The following IFT140 variants were observed in gnomAD, a reference collection of about 807,000 sequenced individuals.
IFT140 encodes intraflagellar transport protein 140 homolog.
Under a neutral mutation model 164.6 loss-of-function variants are expected in IFT140, and 133 were observed. That is an observed-to-expected ratio of 0.81 (90% CI 0.70 to 0.93). The LOEUF is 0.93. IFT140 is among the 40% of genes least tolerant of loss of function. The probability of loss-of-function intolerance (pLI) is 0.00; values close to 1 mark genes in which losing one functional copy is unlikely to be tolerated. For synonymous variants in IFT140, 860 were observed against 817.3 expected (o/e 1.05, Z -0.89); for missense variants, 2,045 against 1,972.3 (o/e 1.04, Z -0.70).
At chr16:1,525,804 A>G in intron 21 of IFT140, 83 bp downstream of exon 21, 1 of 1,336,418 alleles carries the variant, frequency 7.5e-7, no homozygotes, top group South Asian at 1.5e-5. Context: ...CTCCCTGGCC[A>G]CCTCACCACA....
rs61749517 is a variant in IFT140, at chr16:1,510,953, G to A, written c.4380C>T (p.Asp1460=). 6,212 of 1,611,318 alleles carry A rather than the reference G, an allele frequency of 3.9e-3. 219 individuals carry two copies. The African/African-American group carries it at 0.073, about 19-fold the overall frequency. ...CTGGGGCCCAGGCCCCTCAGGGGTC[G>A]TCATCTGCCTCTTCCACCACCTCCT... ...LDEEVVEEAD[D]DP Residue 1460 remains aspartate (D), a synonymous_variant, in exon 31 of 31, where the codon GAC becomes GAT. Coordinates refer to ENST00000426508, the MANE Select transcript of IFT140 (RefSeq NM_014714.4).
At chr16:1,575,487 A>AGACTGCAGTGAGCTATGATTGC (rs2034229029) in intron 13 of IFT140, among the ~76,000 whole-genome samples, 1 of 152,170 alleles carries the variant, frequency 6.6e-6, no homozygotes. Context: ...CAGGAGGTCA[A>AGACTGCAGTGAGCTATGATTGC]GACTGCAGTG....
At chr16:1,583,469 T>C (rs1247317004) in intron 11 of IFT140, 83 bp from the exon 12 acceptor site, 1 of 1,081,430 alleles carries the variant, frequency 9.2e-7, no homozygotes, top group East Asian at 2.4e-5. Flanking sequence ...CTCGAAAGCC[T>C]CCTCTAAACA....
intron 19 of IFT140, among the ~76,000 whole-genome samples, chr16:1,556,854 G>T (rs1053450452): frequency 6.6e-6 from 1 of 152,190 alleles, no homozygotes; most frequent in East Asian, 1.9e-4. Flanking sequence ...CTGTCACCCA[G>T]GCTGGAGTGC....
chr16:1,584,018 A>G (rs932625286), intron 11 of IFT140, among the ~76,000 whole-genome samples, 199 bp downstream of exon 11: 1 of 152,220 alleles, frequency 6.6e-6, no homozygotes, highest in Non-Finnish European at 1.5e-5. Flanking sequence ...TACAGGCGTC[A>G]GCCACCGTGC....
chr16:1,604,404 C>G lies in IFT140; in HGVS notation c.148-1813G>C, dbSNP rs2035958347. Reference sequence around the variant, plus strand: ...ATTACAAAAATGGATGAAGGAGTGTCTTCTTTGCAGGTGGCACAGCATGTG... The same window carrying G: ...ATTACAAAAATGGATGAAGGAGTGTGTTCTTTGCAGGTGGCACAGCATGTG... On this transcript the variant is annotated intron_variant, in intron 3 of 30. Coordinates refer to ENST00000426508, the MANE Select transcript of IFT140 (RefSeq NM_014714.4). 2.0e-5 allele frequency: 3 copies of G among 151,950 alleles called. No homozygotes were observed. The South Asian group carries it at 6.2e-4, about 31-fold the overall frequency. The allele number at this position is 151,950 out of a possible 1,614,324, so 9.4% of individuals were successfully genotyped here.
At chr16:1,539,225 A>C (rs540220557) in intron 19 of IFT140, among the ~76,000 whole-genome samples, 3,175 of 148,168 alleles carry the variant, frequency 0.021, 116 homozygotes, top group African/African-American at 0.074. Context: ...CGCCGACCCA[A>C]GCCTCAGGAC....
intron 4 of IFT140, 96 bp downstream of exon 4, chr16:1,602,274 C>A: frequency 9.3e-7 from 1 of 1,077,726 alleles, no homozygotes; most frequent in South Asian, 1.4e-5. Context: ...CTGAATTTGG[C>A]AACAGCACGG....
At chr16:1,543,937 C>A (rs954696250) in intron 19 of IFT140, among the ~76,000 whole-genome samples, 2 of 151,918 alleles carry the variant, frequency 1.3e-5, no homozygotes, top group Non-Finnish European at 1.5e-5. Flanking sequence ...GATATTTTAG[C>A]GGCATAGAGA....
intron 7 of IFT140, among the ~76,000 whole-genome samples, chr16:1,588,474 G>A (rs901332951): frequency 1.3e-4 from 20 of 151,740 alleles, no homozygotes; most frequent in African/African-American, 4.9e-4. Context: ...GCAGTCAGCT[G>A]AGATTGGGCC....
chr16:1,527,043 T>C, intron 19 of IFT140: 1 of 514,668 alleles, frequency 1.9e-6, no homozygotes, highest in South Asian at 3.3e-5. Flanking sequence ...GACAGAAGGA[T>C]CTCTTATGCA....
At chr16:1,583,041 A>C (rs1158929380) in intron 12 of IFT140, among the ~76,000 whole-genome samples, 1 of 151,474 alleles carries the variant, frequency 6.6e-6, no homozygotes, top group African/African-American at 2.4e-5. Flanking sequence ...CATGGTCTGG[A>C]AACATTTCAG....
intron 26 of IFT140, among the ~76,000 whole-genome samples, chr16:1,521,550 G>A (rs1018808537): frequency 6.6e-6 from 1 of 151,630 alleles, no homozygotes; most frequent in African/African-American, 2.4e-5. Context: ...CACCATGCCC[G>A]GCTAATTTTG....
At chr16:1,526,847 C>T (rs1390463615) in intron 19 of IFT140, 51 bp from the exon 20 acceptor site, 3 of 1,539,884 alleles carry the variant, frequency 1.9e-6, no homozygotes, top group South Asian at 1.2e-5. Flanking sequence ...CTCAGGGCCC[C>T]CTGGCCCTAC....
Position 1,533,949 on chromosome 16 carries a change from C to T in IFT140, c.2400-7153G>A, listed in dbSNP as rs1317917390. 2.0e-5 allele frequency: 8 copies of T among 395,846 alleles called. No individual in the cohort carries two copies. The East Asian group carries it at 2.3e-4, about 11-fold the overall frequency. The allele number at this position is 395,846 out of a possible 1,614,324, so 24.5% of individuals were successfully genotyped here. ...ACTGCTGCAGGCGAGAAGAGGCACG[C>T]GCGGCACAGGCCGGCCTCCGCTTCC... On this transcript the variant is annotated intron_variant, in intron 19 of 30. Coordinates refer to ENST00000426508, the MANE Select transcript of IFT140 (RefSeq NM_014714.4). The surrounding 1 kb of genome is among the most constrained non-coding windows in gnomAD (Gnocchi z 4.7).
intron 19 of IFT140, among the ~76,000 whole-genome samples, chr16:1,548,966 C>T (rs890428325): frequency 2.0e-5 from 3 of 152,268 alleles, no homozygotes; most frequent in Admixed American, 1.3e-4. Flanking sequence ...GTGAACCTTT[C>T]TTCGTCAGGG....
chr16:1,595,424 T>C (rs1190469685), intron 4 of IFT140, among the ~76,000 whole-genome samples: 2 of 151,992 alleles, frequency 1.3e-5, no homozygotes, highest in Non-Finnish European at 2.9e-5. Context: ...GAGACCAGCC[T>C]GGCCAGCATG....
At chr16:1,528,358 TGTGCACACACACGCATGCACGC>T (rs2029989337) in intron 19 of IFT140, among the ~76,000 whole-genome samples, 3 of 129,320 alleles carry the variant, frequency 2.3e-5, no homozygotes, top group African/African-American at 8.0e-5. Context: ...TGCACGCACG[TGTGCACACACACGCATGCACGC>T]ACGTGTGCAC....
intron 13 of IFT140, chr16:1,579,596 A>G (rs1245917579): frequency 1.3e-5 from 2 of 152,122 alleles, no homozygotes; most frequent in Non-Finnish European, 2.9e-5. Flanking sequence ...GGAAATCAAC[A>G]CACTGTGTCT....
Sources: allele counts gnomAD v4.1 joint callset (sites outside exome capture counted in the v4.1 genomes callset), GRCh38; gene constraint gnomAD v4.1.1; non-coding constraint Gnocchi (gnomAD v3.1); transcripts MANE v1.5; gene names NCBI Gene and HGNC (gene_info 2026-07-23, HGNC 2026-07-21).